SH3BP4: variants seen among roughly 807,000 people sequenced by gnomAD.
The protein encoded by SH3BP4 is SH3 domain-binding protein 4.
A neutral mutation model predicts 65.5 loss-of-function variants in SH3BP4; 33 were observed. That is an observed-to-expected ratio of 0.50 (90% CI 0.38 to 0.67). The LOEUF (loss-of-function observed/expected upper bound fraction) is 0.67, where lower values mean the gene tolerates loss of function less well. Ranked by LOEUF, SH3BP4 falls within the 30% of genes least tolerant of loss-of-function variation. The pLI is 0.00. For missense variants in SH3BP4, 1,134 were observed against 1,261.4 expected (o/e 0.90, Z 1.53); for synonymous variants, 552 against 545.5 (o/e 1.01, Z -0.17).
intron 2 of SH3BP4, among the ~76,000 whole-genome samples, chr2:235,016,494 C>T (rs1044816740): frequency 3.3e-5 from 5 of 151,882 alleles, no homozygotes; most frequent in Non-Finnish European, 7.4e-5. Flanking sequence ...CCCATTCACT[C>T]GTCCTTTCTT....
At position 234,997,040 on chromosome 2, in the gene SH3BP4, T is replaced by A. The variant is rs1452445968; in HGVS notation, c.-133+1664T>A. On this transcript the variant is annotated intron_variant, in intron 2 of 5. Coordinates refer to ENST00000392011, the MANE Select transcript of SH3BP4 (RefSeq NM_014521.3). The surrounding 1 kb of genome is among the most constrained non-coding windows in gnomAD (Gnocchi z 4.2). Reference sequence around the variant, plus strand: ...CATCCCACAGCGGTGCCCGCTTGTCTCCGTGGCGGGCACACAGGCTTCCGG... The same window carrying A: ...CATCCCACAGCGGTGCCCGCTTGTCACCGTGGCGGGCACACAGGCTTCCGG... Among the ~76,000 whole-genome samples, 1 of 152,210 alleles carries A rather than the reference T, an allele frequency of 6.6e-6. No homozygotes were observed. Among genetic ancestry groups the A allele is most frequent in the Non-Finnish European group, 1.5e-5 (1 of 68,034 alleles).
intron 1 of SH3BP4, among the ~76,000 whole-genome samples, chr2:234,966,945 T>C (rs936856096): frequency 2.0e-5 from 3 of 152,258 alleles, no homozygotes; most frequent in African/African-American, 4.8e-5. Flanking sequence ...CATTTATGTA[T>C]TCCCTCTTTC....
intron 2 of SH3BP4, among the ~76,000 whole-genome samples, chr2:234,996,937 T>G (rs1324287583): frequency 6.6e-6 from 1 of 152,156 alleles, no homozygotes; most frequent in African/African-American, 2.4e-5. Context: ...TGTGGTTTGC[T>G]TTTTCTGACC....
chr2:235,052,412 T>G lies in SH3BP4; in HGVS notation c.2479-150T>G. ...TTTCTCCCGTGAATCCTGGCAGTGA[T>G]CGATTTCAGGGGACATTTGGTAGTA... On this transcript the variant is annotated intron_variant, in intron 4 of 5. Transcript: ENST00000392011. This position sits in a 1 kb window ranked among gnomAD's most constrained non-coding sequence, Gnocchi z 5.0. 1 of 596,936 alleles carries G rather than the reference T, an allele frequency of 1.7e-6. No homozygotes were observed. The highest frequency in any genetic ancestry group is 2.9e-5 in the East Asian group (1 of 34,918). 37.0% of individuals were successfully genotyped at this position (596,936 alleles called of 1,614,324 possible).
At position 235,038,274 on chromosome 2, in the gene SH3BP4, A is replaced by T. The variant is rs181195729; in HGVS notation, c.119-2614A>T. Among the ~76,000 whole-genome samples the T allele has an allele frequency of 4.0e-3, 63 of 15,622 alleles. 1 individual carries two copies. The highest frequency in any genetic ancestry group is 0.03 in the East Asian group (2 of 66). The allele number at this position is 15,622 out of a possible 152,430, so 10.2% of individuals were successfully genotyped here. On this transcript the variant is annotated intron_variant, in intron 3 of 5. Transcript: ENST00000392011. ...TTATATATAATATATATTATATATA[A>T]TATATATTATATATAATATATATAT...
In SH3BP4 at chr2:235,026,428, C is replaced by G. The variant is rs1695004306; in HGVS notation, c.-132-8443C>G. Among the ~76,000 whole-genome samples, 1 of 152,186 alleles carries G rather than the reference C, an allele frequency of 6.6e-6. No individual in the cohort carries two copies. ...ACCAGCTTGGCACCCACAGTTAAGC[C>G]TTGAATGTGTGCAAGTTATAACCCG... On this transcript the variant is annotated intron_variant, in intron 2 of 5. Coordinates refer to ENST00000392011, the MANE Select transcript of SH3BP4 (RefSeq NM_014521.3). This position sits in a 1 kb window ranked among gnomAD's most constrained non-coding sequence, Gnocchi z 4.6.
At chr2:235,029,273 G>C (rs1695100865) in intron 2 of SH3BP4, among the ~76,000 whole-genome samples, 1 of 152,116 alleles carries the variant, frequency 6.6e-6, no homozygotes, top group South Asian at 2.1e-4. Context: ...GGATGGAGCT[G>C]CCGTGCATGG....
rs1695325215 is a variant in SH3BP4 at position 235,034,922 on chromosome 2, C to T, written c.-81C>T. On this transcript the variant is annotated 5_prime_UTR_variant, in exon 3 of 6. Transcript: ENST00000392011. The surrounding 1 kb of genome is among the most constrained non-coding windows in gnomAD (Gnocchi z 6.2). ...CGCCGCGCAGCGTGTTTGCTTGAGG[C>T]AGAAGCTTCAGCATCTGCTGGGATA... is the stretch of plus-strand genomic sequence containing the variant. 1.6e-6 allele frequency: 2 copies of T among 1,223,070 alleles called. No individual in the cohort carries two copies. The highest frequency in any genetic ancestry group is 3.0e-5 in the African/African-American group (2 of 66,712). 75.8% of individuals were successfully genotyped at this position (1,223,070 alleles called of 1,614,324 possible).
chr2:234,961,991 G>A (rs1034758550), intron 1 of SH3BP4, among the ~76,000 whole-genome samples: 6 of 152,116 alleles, frequency 3.9e-5, no homozygotes, highest in African/African-American at 4.8e-5. Flanking sequence ...AGCAAGTGCC[G>A]GAGGCCCCTG....
In SH3BP4 at chr2:234,974,713, G is replaced by A. The variant is rs1479415880; in HGVS notation, c.-206-20590G>A. Among the ~76,000 whole-genome samples the A allele has an allele frequency of 2.0e-5, 3 of 152,162 alleles. No homozygotes were observed. The highest frequency in any genetic ancestry group is 1.9e-4 in the East Asian group (1 of 5,184). On this transcript the variant is annotated intron_variant, in intron 1 of 5. Transcript: ENST00000392011. The surrounding 1 kb of genome is among the most constrained non-coding windows in gnomAD (Gnocchi z 4.6). ...GGCGTTCACAAGCTCTCTTAGTTCCGAAAAATCGAGGGGTTCCTTGCCAGC... is the reference window on the plus strand; with the variant it reads ...GGCGTTCACAAGCTCTCTTAGTTCCAAAAAATCGAGGGGTTCCTTGCCAGC...
At chr2:234,987,583 A>G (rs1282981875) in intron 1 of SH3BP4, among the ~76,000 whole-genome samples, 1 of 152,206 alleles carries the variant, frequency 6.6e-6, no homozygotes, top group African/African-American at 2.4e-5. Context: ...TGGGCGGCTC[A>G]TGGTGTCCCC....
intron 1 of SH3BP4, among the ~76,000 whole-genome samples, chr2:234,964,107 A>G (rs1692780147): frequency 1.3e-5 from 2 of 152,128 alleles, no homozygotes; most frequent in Non-Finnish European, 2.9e-5. Flanking sequence ...TCATCCACCT[A>G]TAGGTAACAT....
intron 3 of SH3BP4, among the ~76,000 whole-genome samples, chr2:235,036,740 A>AAATAATAATAATAATAAT (rs1553567054): frequency 0.017 from 2,431 of 141,734 alleles, 77 homozygotes; most frequent in African/African-American, 0.053. Context: ...TCTATATAAA[A>AAATAATAATAATAATAAT]AATAATAATA....
rs767615106 is a variant in SH3BP4 at position 235,041,615 on chromosome 2, T to C, written c.846T>C (p.Asp282=). Residue 282 remains aspartate (D), a synonymous_variant, in exon 4 of 6, where the codon GAT becomes GAC. Coordinates refer to ENST00000392011, the MANE Select transcript of SH3BP4 (RefSeq NM_014521.3). This position sits in a 1 kb window ranked among gnomAD's most constrained non-coding sequence, Gnocchi z 6.0. The stretch of plus-strand genomic sequence containing the variant: ...CCGAGCAATTTCAGAGCCGGGAGGA[T>C]TTTCGAACTGCCTGGCTAAACCACA... ...PAPEQFQSRE[D]FRTAWLNHRK... 19 of 1,613,832 alleles carry C rather than the reference T, an allele frequency of 1.2e-5. No homozygotes were observed. The South Asian group carries it at 1.9e-4, about 16-fold the overall frequency.
chr2:234,953,625 A>C (rs1412986093), intron 1 of SH3BP4, among the ~76,000 whole-genome samples: 1 of 152,138 alleles, frequency 6.6e-6, no homozygotes, highest in African/African-American at 2.4e-5. Flanking sequence ...CCACCATAAA[A>C]ATTAATGGGT....
At position 235,034,300 on chromosome 2, in the gene SH3BP4, G is replaced by A. The variant is rs965694748; in HGVS notation, c.-132-571G>A. 2.0e-5 allele frequency among the ~76,000 whole-genome samples: 3 copies of A among 152,140 alleles called. No homozygotes were observed. Among genetic ancestry groups the A allele is most frequent in the African/African-American group, 7.2e-5 (3 of 41,416 alleles). On this transcript the variant is annotated intron_variant, in intron 2 of 5. Transcript: ENST00000392011. This position sits in a 1 kb window ranked among gnomAD's most constrained non-coding sequence, Gnocchi z 6.2. ...GTTGCATTGAGAATACCTTATGGCC[G>A]CTCTGTGTTGTGTTTAGAATTGTTT...
intron 2 of SH3BP4, among the ~76,000 whole-genome samples, chr2:234,999,777 G>A (rs1429937175): frequency 6.6e-6 from 1 of 152,194 alleles, no homozygotes; most frequent in African/African-American, 2.4e-5. Flanking sequence ...AGAGAGCACA[G>A]TGAATCTTCT....
chr2:235,028,948 T>C (rs1695090382), intron 2 of SH3BP4, among the ~76,000 whole-genome samples: 1 of 152,018 alleles, frequency 6.6e-6, no homozygotes, highest in Non-Finnish European at 1.5e-5. Context: ...GGGCTGATGA[T>C]GTTGGGCTTC....
At chr2:235,036,740 A>AAAAAAAAAAAAAAAAAATAATAATAAT (rs146049108) in intron 3 of SH3BP4, among the ~76,000 whole-genome samples, 14 of 141,762 alleles carry the variant, frequency 9.9e-5, no homozygotes, top group East Asian at 4.2e-4. Context: ...TCTATATAAA[A>AAAAAAAAAAAAAAAAAATAATAATAAT]AATAATAATA....
Sources: gnomAD v4.1 joint callset for allele counts (sites outside exome capture counted in the v4.1 genomes callset) on GRCh38, gnomAD v4.1.1 for gene constraint, Gnocchi (gnomAD v3.1) non-coding constraint, MANE v1.5 for transcripts, NCBI Gene and HGNC (gene_info 2026-07-23, HGNC 2026-07-21) for gene names.